Variants in PCDH15 observed in about 807,000 individuals in gnomAD.
The protein encoded by PCDH15 is protocadherin-15.
Under a neutral mutation model 178.5 loss-of-function variants are expected in PCDH15, and 129 were observed. That is an observed-to-expected ratio of 0.72 (90% confidence interval 0.63 to 0.84). The LOEUF is 0.84. Among genes scored for constraint, PCDH15 ranks in the 40% least tolerant of loss-of-function variants. The pLI, the probability that PCDH15 is intolerant of heterozygous loss-of-function variation, is 0.00. For synonymous variants in PCDH15, 800 were observed against 732.0 expected, an observed-to-expected ratio of 1.09 and a Z score of -1.50; for missense variants, 2,230 against 2,099.9, an observed-to-expected ratio of 1.06 and a Z score of -1.21.
intron 2 of PCDH15, among the ~76,000 whole-genome samples, chr10:55,359,091 G>T (rs1232247359): frequency 6.6e-6 from 1 of 151,964 alleles, no homozygotes; most frequent in East Asian, 1.9e-4. Context: ...CTAGCTCCTT[G>T]GGAGGCTGAA....
At chr10:55,025,072 G>A (rs758293214) in intron 2 of PCDH15, among the ~76,000 whole-genome samples, 10 of 152,038 alleles carry the variant, frequency 6.6e-5, no homozygotes, top group Non-Finnish European at 2.9e-5. Context: ...CTCTCTCCCT[G>A]TATCTCTAAT....
intron 2 of PCDH15, among the ~76,000 whole-genome samples, chr10:55,561,749 C>T (rs1027796915): frequency 6.6e-6 from 1 of 151,688 alleles, no homozygotes; most frequent in African/African-American, 2.4e-5. Flanking sequence ...TTCCAAGAGG[C>T]CAATAACTGA....
chr10:54,845,655 T>C (rs2131757549), intron 3 of PCDH15, among the ~76,000 whole-genome samples: 1 of 152,122 alleles, frequency 6.6e-6, no homozygotes, highest in African/African-American at 2.4e-5. Flanking sequence ...CAGGATAAAA[T>C]TTTGAATAGA....
intron 3 of PCDH15, among the ~76,000 whole-genome samples, chr10:54,384,859 A>G (rs190948482): frequency 3.3e-5 from 5 of 152,288 alleles, no homozygotes; most frequent in Admixed American, 3.3e-4. Flanking sequence ...AACTCAAGCA[A>G]TATTCCATGA....
At chr10:54,525,676 C>A (rs1184415805) in intron 3 of PCDH15, among the ~76,000 whole-genome samples, 1 of 152,148 alleles carries the variant, frequency 6.6e-6, no homozygotes, top group South Asian at 2.1e-4. Context: ...CCAGGCTGGC[C>A]TTGAACTCCC....
intron 2 of PCDH15, among the ~76,000 whole-genome samples, chr10:55,008,797 T>C (rs1839986705): frequency 6.6e-6 from 1 of 152,050 alleles, no homozygotes; most frequent in Non-Finnish European, 1.5e-5. Context: ...TGAAAAAATA[T>C]ACATAGTTAT....
At chr10:53,990,508 T>C (rs2091393202) in intron 21 of PCDH15, among the ~76,000 whole-genome samples, 1 of 148,122 alleles carries the variant, frequency 6.8e-6, no homozygotes, top group Non-Finnish European at 1.5e-5. Context: ...GTTATATATA[T>C]GTTATATATA....
At chr10:54,056,936 C>G (rs771353801) in intron 18 of PCDH15, among the ~76,000 whole-genome samples, 1 of 152,132 alleles carries the variant, frequency 6.6e-6, no homozygotes, top group African/African-American at 2.4e-5. Flanking sequence ...ACAGGCCCCA[C>G]GCAAGTCCAA....
At chr10:54,448,982 T>C (rs1277019919) in intron 3 of PCDH15, among the ~76,000 whole-genome samples, 1 of 151,780 alleles carries the variant, frequency 6.6e-6, no homozygotes, top group East Asian at 1.9e-4. Flanking sequence ...TACTGTTAAC[T>C]GCCAACCACT....
chr10:54,050,538 G>T (rs1468809104), intron 18 of PCDH15, among the ~76,000 whole-genome samples: 1 of 151,862 alleles, frequency 6.6e-6, no homozygotes, highest in Non-Finnish European at 1.5e-5. Context: ...CCTTTATATA[G>T]ATTTTGGGGC....
chr10:54,250,641 A>C (rs2056402339), intron 8 of PCDH15, among the ~76,000 whole-genome samples: 1 of 152,158 alleles, frequency 6.6e-6, no homozygotes, highest in Admixed American at 6.5e-5. Flanking sequence ...ATTTAGGATT[A>C]TGGATATGTG....
chr10:54,945,388 G>GATAT (rs1838173866), intron 2 of PCDH15, among the ~76,000 whole-genome samples: 1 of 151,126 alleles, frequency 6.6e-6, no homozygotes, highest in Non-Finnish European at 1.5e-5. Flanking sequence ...TAGATAGATA[G>GATAT]ATAGATATAA....
chr10:54,241,341 C>T (rs2055270055), intron 8 of PCDH15, among the ~76,000 whole-genome samples: 1 of 152,190 alleles, frequency 6.6e-6, no homozygotes, highest in Non-Finnish European at 1.5e-5. Context: ...GAAGTCCACC[C>T]ATAGCTCAAA....
chr10:55,006,476 T>C (rs905161476), intron 2 of PCDH15, among the ~76,000 whole-genome samples: 5 of 152,360 alleles, frequency 3.3e-5, no homozygotes, highest in Admixed American at 3.3e-4. Flanking sequence ...ATGCAAGGTA[T>C]ACTTACAAGC....
At chr10:55,242,494 AAT>A (rs1227018977) in intron 1 of PCDH15, among the ~76,000 whole-genome samples, 1 of 152,128 alleles carries the variant, frequency 6.6e-6, no homozygotes, top group African/African-American at 2.4e-5. Context: ...TTAATGTGTA[AAT>A]ATATAGTTTT....
chr10:55,307,989 G>A (rs1361596259), intron 1 of PCDH15, among the ~76,000 whole-genome samples: 9 of 152,038 alleles, frequency 5.9e-5, no homozygotes, highest in African/African-American at 2.2e-4. Context: ...ATCCCTCTGA[G>A]TTAGAGATTA....
At chr10:55,459,854 T>C (rs1427293798) in intron 2 of PCDH15, among the ~76,000 whole-genome samples, 1 of 152,004 alleles carries the variant, frequency 6.6e-6, no homozygotes. Context: ...GCTATGTGAG[T>C]GGTTATGTTC....
chr10:54,462,301 T>A (rs12250623), intron 3 of PCDH15, among the ~76,000 whole-genome samples: 43 of 150,386 alleles, frequency 2.9e-4, no homozygotes, highest in Admixed American at 6.0e-4. Flanking sequence ...CACACACACA[T>A]ATATATATAT....
intron 2 of PCDH15, among the ~76,000 whole-genome samples, chr10:54,584,641 G>C (rs189172307): frequency 1.3e-5 from 2 of 151,722 alleles, no homozygotes; most frequent in Admixed American, 6.6e-5. Context: ...ATTCTATCTT[G>C]ATTCATGTCT....
Sources: gnomAD v4.1 joint callset for allele counts (sites outside exome capture counted in the v4.1 genomes callset) on GRCh38, gnomAD v4.1.1 for gene constraint, MANE v1.5 for transcripts, NCBI Gene and HGNC (gene_info 2026-07-23, HGNC 2026-07-21) for gene names.